Variants in AGAP1 observed in about 807,000 individuals in gnomAD.
AGAP1 encodes the protein arf-GAP with GTPase, ANK repeat and PH domain-containing protein 1.
In AGAP1, 29 loss-of-function variants were observed where a neutral mutation model predicts 105.3. That is an observed-to-expected ratio of 0.28 (90% CI 0.21 to 0.38). The LOEUF is 0.38. AGAP1 is among the 10% of genes least tolerant of loss of function. The pLI, the probability that AGAP1 is intolerant of heterozygous loss-of-function variation, is 1.00. For synonymous variants in AGAP1, 509 were observed against 485.9 expected (o/e 1.05, Z -0.63); for missense variants, 998 against 1,165.1 (o/e 0.86, Z 2.09).
At chr2:236,039,189 A>T (rs2057473988) in intron 14 of AGAP1, among the ~76,000 whole-genome samples, 1 of 152,144 alleles carries the variant, frequency 6.6e-6, no homozygotes, top group Non-Finnish European at 1.5e-5. Context: ...TCACGCCTGT[A>T]CTCCTAGTGC....
rs2048628688 is a variant in AGAP1 at position 235,855,033 on chromosome 2, C to T, written c.1051-28312C>T. On this transcript the variant is annotated intron_variant, in intron 9 of 17. Transcript: ENST00000304032. The surrounding 1 kb of genome is among the most constrained non-coding windows in gnomAD (Gnocchi z 5.0). ...TCCTTGTATTTGTTACTTCTGAAAT[C>T]TTAATGCCAGTTATTTTAAACTAGG... 6.6e-6 allele frequency among the ~76,000 whole-genome samples: 1 copy of T among 152,192 alleles called. No individual in the cohort carries two copies. The highest frequency in any genetic ancestry group is 2.4e-5 in the African/African-American group (1 of 41,436).
rs1233095362 is a variant in AGAP1, at chr2:235,569,760, C to T, written c.163+74911C>T. On this transcript the variant is annotated intron_variant, in intron 1 of 17. Transcript: ENST00000304032. The surrounding 1 kb of genome is among the most constrained non-coding windows in gnomAD (Gnocchi z 5.9). ...GGTCTTTCTATGGAACCTGTAGGTT[C>T]TGAGACCGAGCCTTGGGTAGTTTTT... Among the ~76,000 whole-genome samples, 2 of 152,204 alleles carry T rather than the reference C, an allele frequency of 1.3e-5. No individual in the cohort carries two copies. Among genetic ancestry groups the T allele is most frequent in the Non-Finnish European group, 2.9e-5 (2 of 68,036 alleles).
chr2:235,935,641 G>T (rs1242520400), intron 12 of AGAP1, among the ~76,000 whole-genome samples: 2 of 152,210 alleles, frequency 1.3e-5, no homozygotes, highest in Non-Finnish European at 2.9e-5. Flanking sequence ...AAAGAAATTG[G>T]TGTTTGCAGT....
At chr2:235,870,978 G>C (rs1575659424) in intron 9 of AGAP1, among the ~76,000 whole-genome samples, 1 of 152,172 alleles carries the variant, frequency 6.6e-6, no homozygotes, top group East Asian at 1.9e-4. Context: ...ATCATAATCT[G>C]TTCCATTAAA....
chr2:236,110,072 G>A (rs1217465579), intron 16 of AGAP1, among the ~76,000 whole-genome samples: 2 of 152,248 alleles, frequency 1.3e-5, no homozygotes, highest in African/African-American at 4.8e-5. Context: ...AGGGCAGCCA[G>A]TCTGTCGGGT....
In AGAP1 at chr2:235,788,472, G is replaced by A. The variant is rs765057661; in HGVS notation, c.674-9287G>A. 6.6e-5 allele frequency among the ~76,000 whole-genome samples: 10 copies of A among 152,036 alleles called. No individual in the cohort carries two copies. Among genetic ancestry groups the A allele is most frequent in the Non-Finnish European group, 1.0e-4 (7 of 68,012 alleles). On this transcript the variant is annotated intron_variant, in intron 6 of 17. Coordinates refer to ENST00000304032, the MANE Select transcript of AGAP1 (RefSeq NM_001037131.3). The surrounding 1 kb of genome is among the most constrained non-coding windows in gnomAD (Gnocchi z 6.0). ...GATGAGAGCAATGCTGAGGGAAGGT[G>A]AGGCAGGGTGGGGAGAGGAGTGGGA...
chr2:235,956,918 C>T (rs575767566), intron 12 of AGAP1, among the ~76,000 whole-genome samples: 2 of 152,372 alleles, frequency 1.3e-5, no homozygotes, highest in African/African-American at 4.8e-5. Context: ...TCTCACTAGA[C>T]CGTATAGTGG....
rs80039555 is a variant in AGAP1 at position 235,843,649 on chromosome 2, G to A, written c.1050+36318G>A. ...TCTTTCTGCACCTGGGCTCCCCTCC[G>A]CCCTGCATCTGAGATCTCTGTTTTA... On this transcript the variant is annotated intron_variant, in intron 9 of 17. Transcript: ENST00000304032. The surrounding 1 kb of genome is among the most constrained non-coding windows in gnomAD (Gnocchi z 5.9). Among the ~76,000 whole-genome samples the A allele has an allele frequency of 9.9e-3, 1,501 of 152,076 alleles. 19 individuals are homozygous for A. The highest frequency in any genetic ancestry group is 0.034 in the African/African-American group (1,420 of 41,474).
intron 13 of AGAP1, among the ~76,000 whole-genome samples, chr2:235,999,472 TGTG>T (rs1326643377): frequency 4.0e-5 from 5 of 123,748 alleles, no homozygotes; most frequent in Admixed American, 1.6e-4. Context: ...TAGTAGTGAT[TGTG>T]GTGACGATGG....
rs1421101240 is a variant in AGAP1, at chr2:236,089,410, G to C, written c.2115-30782G>C. ...CATCCCAGGTCAAGCTGAGGTCCTT[G>C]CAAATGAACTGCATGCTGGAGATAA... is the stretch of plus-strand genomic sequence containing the variant. On this transcript the variant is annotated intron_variant, in intron 16 of 17. Coordinates refer to ENST00000304032, the MANE Select transcript of AGAP1 (RefSeq NM_001037131.3). This position sits in a 1 kb window ranked among gnomAD's most constrained non-coding sequence, Gnocchi z 5.6. 1.3e-5 allele frequency among the ~76,000 whole-genome samples: 2 copies of C among 152,202 alleles called. No homozygotes were observed. Among genetic ancestry groups the C allele is most frequent in the East Asian group, 1.9e-4 (1 of 5,192 alleles).
At position 235,930,558 on chromosome 2, in the gene AGAP1, G is replaced by A. The variant is rs1382087411; in HGVS notation, c.1325-207G>A. On this transcript the variant is annotated intron_variant, in intron 11 of 17. Transcript: ENST00000304032. This position sits in a 1 kb window ranked among gnomAD's most constrained non-coding sequence, Gnocchi z 7.9. ...GCATCGGGTCCCTTCACATTGCTTT[G>A]TCAGGCACCATCAAGATTGGCGTCC... Among the ~76,000 whole-genome samples the A allele has an allele frequency of 6.6e-6, 1 of 152,032 alleles. No homozygotes were observed. The highest frequency in any genetic ancestry group is 1.5e-5 in the Non-Finnish European group (1 of 68,024).
At position 236,002,828 on chromosome 2, in the gene AGAP1, AT is replaced by A. The variant is rs1313528283; in HGVS notation, c.1646-33731del. ...ATTTATATGATATTTCTTGCGTTGA[AT>A]TCAGTATGTGCTCAAGTTAAGTGTG... On this transcript the variant is annotated intron_variant, in intron 13 of 17. Transcript: ENST00000304032. This position sits in a 1 kb window ranked among gnomAD's most constrained non-coding sequence, Gnocchi z 4.3. 6.6e-6 allele frequency among the ~76,000 whole-genome samples: 1 copy of A among 152,104 alleles called. No individual in the cohort carries two copies. Among genetic ancestry groups the A allele is most frequent in the Non-Finnish European group, 1.5e-5 (1 of 68,028 alleles).
At position 235,556,906 on chromosome 2, in the gene AGAP1, C is replaced by T. The variant is rs183849220; in HGVS notation, c.163+62057C>T. Among the ~76,000 whole-genome samples the T allele has an allele frequency of 1.3e-5, 2 of 152,240 alleles. No individual in the cohort carries two copies. Among genetic ancestry groups the T allele is most frequent in the South Asian group, 4.1e-4 (2 of 4,820 alleles). ...TGCTCTTCATTGGCAATGTAGAAGT[C>T]AAGTTTGAACTGAGGGCTGTCTTAT... On this transcript the variant is annotated intron_variant, in intron 1 of 17. Coordinates refer to ENST00000304032, the MANE Select transcript of AGAP1 (RefSeq NM_001037131.3). The surrounding 1 kb of genome is among the most constrained non-coding windows in gnomAD (Gnocchi z 5.3).
intron 6 of AGAP1, among the ~76,000 whole-genome samples, chr2:235,762,726 A>G (rs1190847015): frequency 1.3e-5 from 2 of 152,128 alleles, no homozygotes; most frequent in Non-Finnish European, 2.9e-5. Flanking sequence ...AAAAGAACTT[A>G]GCTGAGCATA....
In AGAP1 at chr2:235,901,880, G is replaced by GA. The variant is rs57459227; in HGVS notation, c.1156-6843dup. The stretch of plus-strand genomic sequence containing the variant: ...GGCGACAGAGTGAGACTCCGTCTCG[G>GA]AAAAAAAAAAAAAAATTATGGAGGG... On this transcript the variant is annotated intron_variant, in intron 10 of 17. Coordinates refer to ENST00000304032, the MANE Select transcript of AGAP1 (RefSeq NM_001037131.3). The surrounding 1 kb of genome is among the most constrained non-coding windows in gnomAD (Gnocchi z 4.3). 3.6e-4 allele frequency among the ~76,000 whole-genome samples: 52 copies of GA among 145,924 alleles called. No individual in the cohort carries two copies. The highest frequency in any genetic ancestry group is 5.0e-4 in the Non-Finnish European group (33 of 66,336).
rs1024763101 is a variant in AGAP1 at position 235,951,274 on chromosome 2, G to C, written c.1484-17188G>C. On this transcript the variant is annotated intron_variant, in intron 12 of 17. Coordinates refer to ENST00000304032, the MANE Select transcript of AGAP1 (RefSeq NM_001037131.3). This position sits in a 1 kb window ranked among gnomAD's most constrained non-coding sequence, Gnocchi z 4.2. ...ACGAGTGGAGGTGTTGGTGGAGATAGTTATCCCAAGTAGAATACTCGATCG... is the reference window on the plus strand; with the variant it reads ...ACGAGTGGAGGTGTTGGTGGAGATACTTATCCCAAGTAGAATACTCGATCG... 1.3e-5 allele frequency among the ~76,000 whole-genome samples: 2 copies of C among 152,138 alleles called. No individual in the cohort carries two copies. Among genetic ancestry groups the C allele is most frequent in the African/African-American group, 4.8e-5 (2 of 41,438 alleles).
rs764814014 is a variant in AGAP1, at chr2:235,957,449, C to T, written c.1484-11013C>T. ...CCTGTCATCTTCCTGGGCCCCCTGCCGTGTCCCCGCTGCCCCTCTGACATT... is the reference window on the plus strand; with the variant it reads ...CCTGTCATCTTCCTGGGCCCCCTGCTGTGTCCCCGCTGCCCCTCTGACATT... On this transcript the variant is annotated intron_variant, in intron 12 of 17. Coordinates refer to ENST00000304032, the MANE Select transcript of AGAP1 (RefSeq NM_001037131.3). The surrounding 1 kb of genome is among the most constrained non-coding windows in gnomAD (Gnocchi z 4.6). 5.3e-5 allele frequency among the ~76,000 whole-genome samples: 8 copies of T among 152,148 alleles called. No homozygotes were observed. Among genetic ancestry groups the T allele is most frequent in the Non-Finnish European group, 1.0e-4 (7 of 68,034 alleles).
intron 1 of AGAP1, among the ~76,000 whole-genome samples, chr2:235,695,968 C>G (rs144352798): frequency 2.0e-5 from 3 of 152,122 alleles, no homozygotes; most frequent in Admixed American, 6.6e-5. Flanking sequence ...AGAGGAGGGC[C>G]GAGGAGACAC....
Position 235,874,837 on chromosome 2 carries a change from G to A in AGAP1, c.1051-8508G>A, listed in dbSNP as rs1321130190. Reference sequence around the variant, plus strand: ...TGCATGTGTGTGTGCGTGTGCTCTTGCACACGCTCATGGATCAAGGCAGAG... The same window carrying A: ...TGCATGTGTGTGTGCGTGTGCTCTTACACACGCTCATGGATCAAGGCAGAG... On this transcript the variant is annotated intron_variant, in intron 9 of 17. Transcript: ENST00000304032. The surrounding 1 kb of genome is among the most constrained non-coding windows in gnomAD (Gnocchi z 4.5). Among the ~76,000 whole-genome samples, 1 of 152,206 alleles carries A rather than the reference G, an allele frequency of 6.6e-6. No individual in the cohort carries two copies. Among genetic ancestry groups the A allele is most frequent in the African/African-American group, 2.4e-5 (1 of 41,444 alleles).
Sources: gnomAD v4.1 joint callset for allele counts (sites outside exome capture counted in the v4.1 genomes callset) on GRCh38, gnomAD v4.1.1 for gene constraint, Gnocchi (gnomAD v3.1) non-coding constraint, MANE v1.5 for transcripts, NCBI Gene and HGNC (gene_info 2026-07-23, HGNC 2026-07-21) for gene names.